STK32B: variants seen among roughly 807,000 people sequenced by gnomAD.
The protein encoded by STK32B is serine/threonine kinase 32B.
Under a neutral mutation model 52.6 loss-of-function variants are expected in STK32B, and 43 were observed. The observed-to-expected ratio is 0.82, with a 90% confidence interval of 0.64 to 1.05. The LOEUF (loss-of-function observed/expected upper bound fraction) is 1.05, where lower values mean the gene tolerates loss of function less well. STK32B is among the 50% of genes least tolerant of loss of function. STK32B has a pLI of 0.00. For synonymous variants in STK32B, 238 were observed against 204.3 expected, an observed-to-expected ratio of 1.17 and a Z score of -1.41; for missense variants, 621 against 534.6, an observed-to-expected ratio of 1.16 and a Z score of -1.59.
In STK32B at chr4:5,400,219, T is replaced by TA. The variant is rs1737202058; in HGVS notation, c.472+1976dup. Among the ~76,000 whole-genome samples, 1 of 152,194 alleles carries TA rather than the reference T, an allele frequency of 6.6e-6. No homozygotes were observed. The highest frequency in any genetic ancestry group is 2.1e-4 in the South Asian group (1 of 4,830). On this transcript the variant is annotated intron_variant, in intron 5 of 11. Transcript: ENST00000282908. This position sits in a 1 kb window ranked among gnomAD's most constrained non-coding sequence, Gnocchi z 6.1. The stretch of plus-strand genomic sequence containing the variant: ...TCCCCTGAAGCTGCTGCACAAAAGA[T>TA]ATAGGCAGGCGGGCTGCTCCCAGGC...
chr4:5,498,648 T>C (rs139664222), intron 11 of STK32B, among the ~76,000 whole-genome samples: 162 of 152,354 alleles, frequency 1.1e-3, no homozygotes, highest in African/African-American at 3.7e-3. Context: ...TATAAATATG[T>C]GATCTCAAGT....
chr4:5,371,859 T>G (rs753101929), intron 4 of STK32B, among the ~76,000 whole-genome samples: 1 of 151,982 alleles, frequency 6.6e-6, no homozygotes, highest in South Asian at 2.1e-4. Context: ...CTGGAGGGAG[T>G]CTTTTCCCAA....
Position 5,058,319 on chromosome 4 carries a change from A to G in STK32B, c.52+6404A>G, listed in dbSNP as rs1560129997. ...CCTTGAAGTTATGTGAGACCATGTG[A>G]CTTGTTTTGGTCCATTTGAGCTGAG... On this transcript the variant is annotated intron_variant, in intron 1 of 11. Transcript: ENST00000282908. This position sits in a 1 kb window ranked among gnomAD's most constrained non-coding sequence, Gnocchi z 4.8. Among the ~76,000 whole-genome samples the G allele has an allele frequency of 6.6e-6, 1 of 152,144 alleles. No individual in the cohort carries two copies.
intron 3 of STK32B, among the ~76,000 whole-genome samples, chr4:5,209,848 G>A (rs1252527606): frequency 6.6e-6 from 1 of 151,528 alleles, no homozygotes; most frequent in South Asian, 2.1e-4. Context: ...CTGCAACATC[G>A]AAAAAAAACA....
At chr4:5,370,996 G>GTGTGTGTGTATATATA (rs570241863) in intron 4 of STK32B, among the ~76,000 whole-genome samples, 1 of 141,072 alleles carries the variant, frequency 7.1e-6, no homozygotes, top group African/African-American at 2.7e-5. Flanking sequence ...GTGTGTGTGT[G>GTGTGTGTGTATATATA]TATATATATA....
chr4:5,141,148 C>T (rs1179255120), intron 2 of STK32B, among the ~76,000 whole-genome samples: 1 of 152,168 alleles, frequency 6.6e-6, no homozygotes, highest in East Asian at 1.9e-4. Flanking sequence ...ACACTAGCTG[C>T]ATTTTAAGTG....
intron 1 of STK32B, among the ~76,000 whole-genome samples, chr4:5,081,259 TAGTG>T (rs1481348928): frequency 1.3e-5 from 2 of 152,220 alleles, no homozygotes; most frequent in African/African-American, 2.4e-5. Context: ...TCCCTATGTG[TAGTG>T]AGTATCTTTT....
At chr4:5,444,522 A>T (rs1175184826) in intron 6 of STK32B, among the ~76,000 whole-genome samples, 4 of 152,210 alleles carry the variant, frequency 2.6e-5, no homozygotes, top group African/African-American at 9.6e-5. Flanking sequence ...AGTGAGATGA[A>T]CCCGGTACCT....
intron 4 of STK32B, among the ~76,000 whole-genome samples, chr4:5,391,173 A>G (rs1031711650): frequency 1.4e-4 from 21 of 151,548 alleles, no homozygotes; most frequent in African/African-American, 4.9e-4. Flanking sequence ...GTTAGCCAGG[A>G]TGGTCTCGAT....
At chr4:5,315,292 G>A (rs1345414253) in intron 3 of STK32B, among the ~76,000 whole-genome samples, 1 of 152,128 alleles carries the variant, frequency 6.6e-6, no homozygotes, top group African/African-American at 2.4e-5. Context: ...CTACACACCT[G>A]TCAGAATGGC....
intron 3 of STK32B, among the ~76,000 whole-genome samples, chr4:5,216,057 A>G (rs1435655252): frequency 1.3e-5 from 2 of 152,218 alleles, no homozygotes; most frequent in African/African-American, 2.4e-5. Context: ...AGTCTTATCT[A>G]TTAGACTGTG....
At chr4:5,366,093 T>A (rs1283585150) in intron 4 of STK32B, among the ~76,000 whole-genome samples, 1 of 151,856 alleles carries the variant, frequency 6.6e-6, no homozygotes, top group Non-Finnish European at 1.5e-5. Flanking sequence ...AACCTGTCAA[T>A]GGAAAGAGAG....
intron 11 of STK32B, among the ~76,000 whole-genome samples, chr4:5,492,055 A>G (rs977916997): frequency 3.7e-4 from 57 of 152,006 alleles, no homozygotes; most frequent in Admixed American, 9.2e-4. Flanking sequence ...TTGACTTGGC[A>G]ATGCGGGCTC....
chr4:5,067,451 A>G (rs553149275), intron 1 of STK32B, among the ~76,000 whole-genome samples: 4 of 152,242 alleles, frequency 2.6e-5, no homozygotes, highest in East Asian at 1.9e-4. Context: ...GAAAGTGTCT[A>G]TCATTATAGC....
chr4:5,399,456 C>T lies in STK32B; in HGVS notation c.472+1212C>T, dbSNP rs1303326696. 6.6e-6 allele frequency among the ~76,000 whole-genome samples: 1 copy of T among 152,150 alleles called. No homozygotes were observed. The highest frequency in any genetic ancestry group is 2.4e-5 in the African/African-American group (1 of 41,416). ...GTGGATGGGACCATTTGCATCTCTG[C>T]ATCAGATGCTGGAACCAGACTAAGT... On this transcript the variant is annotated intron_variant, in intron 5 of 11. Transcript: ENST00000282908. This position sits in a 1 kb window ranked among gnomAD's most constrained non-coding sequence, Gnocchi z 5.4.
chr4:5,449,818 C>G (rs1437457661), intron 7 of STK32B, among the ~76,000 whole-genome samples: 1 of 152,174 alleles, frequency 6.6e-6, no homozygotes, highest in South Asian at 2.1e-4. Flanking sequence ...TTATGAGAAT[C>G]TAATGCCTGA....
At chr4:5,340,255 C>CT (rs1560334419) in intron 4 of STK32B, among the ~76,000 whole-genome samples, 1 of 152,164 alleles carries the variant, frequency 6.6e-6, no homozygotes, top group African/African-American at 2.4e-5. Flanking sequence ...TGACAGAGCA[C>CT]TACACAGCAC....
At chr4:5,429,464 A>G (rs1244419658) in intron 6 of STK32B, among the ~76,000 whole-genome samples, 3 of 152,058 alleles carry the variant, frequency 2.0e-5, no homozygotes, top group African/African-American at 4.8e-5. Flanking sequence ...AACAATATAC[A>G]TCTTCAATTA....
At chr4:5,101,005 C>T (rs529894958) in intron 1 of STK32B, among the ~76,000 whole-genome samples, 43 of 152,170 alleles carry the variant, frequency 2.8e-4, no homozygotes, top group Non-Finnish European at 5.9e-4. Flanking sequence ...CTCAAGTAAT[C>T]CACCTGCCTC....
Sources: gnomAD v4.1 joint callset for allele counts (sites outside exome capture counted in the v4.1 genomes callset) on GRCh38, gnomAD v4.1.1 for gene constraint, Gnocchi (gnomAD v3.1) non-coding constraint, MANE v1.5 for transcripts, NCBI Gene and HGNC (gene_info 2026-07-23, HGNC 2026-07-21) for gene names.